Variants in TMEM132B observed in about 807,000 individuals in gnomAD.
TMEM132B encodes the protein transmembrane protein 132B.
A neutral mutation model predicts 90.8 loss-of-function variants in TMEM132B; 18 were observed. That is an observed-to-expected ratio of 0.20 (90% CI 0.14 to 0.29). The LOEUF (loss-of-function observed/expected upper bound fraction) is 0.29. Ranked by LOEUF, TMEM132B falls within the 10% of genes least tolerant of loss-of-function variation. The pLI, the probability that TMEM132B is intolerant of heterozygous loss-of-function variation, is 1.00. For synonymous variants in TMEM132B, 504 were observed against 523.3 expected, an observed-to-expected ratio of 0.96 and a Z score of 0.50; for missense variants, 1,096 against 1,326.8, an observed-to-expected ratio of 0.83 and a Z score of 2.70.
At chr12:125,604,159 C>G (rs1351331270) in intron 5 of TMEM132B, among the ~76,000 whole-genome samples, 1 of 152,102 alleles carries the variant, frequency 6.6e-6, no homozygotes, top group Admixed American at 6.6e-5. Context: ...ATGTTTATTG[C>G]AGCACTATTT....
chr12:125,221,944 G>A (rs572852850), intron 1 of TMEM132B, among the ~76,000 whole-genome samples: 1 of 152,206 alleles, frequency 6.6e-6, no homozygotes, highest in Non-Finnish European at 1.5e-5. Context: ...GTAAGATGAC[G>A]CCTGCTCATG....
intron 3 of TMEM132B, among the ~76,000 whole-genome samples, chr12:125,470,175 C>G (rs1320362298): frequency 6.6e-6 from 1 of 152,180 alleles, no homozygotes; most frequent in Non-Finnish European, 1.5e-5. Flanking sequence ...AGAGCTTGTC[C>G]TTTGCTGGGA....
At chr12:125,394,363 C>A (rs57653349) in intron 2 of TMEM132B, among the ~76,000 whole-genome samples, 1 of 152,092 alleles carries the variant, frequency 6.6e-6, no homozygotes, top group Non-Finnish European at 1.5e-5. Flanking sequence ...AGGTGGGCAG[C>A]GACAGCTTGG....
chr12:125,262,575 C>T (rs1874592710), intron 1 of TMEM132B, among the ~76,000 whole-genome samples: 1 of 152,150 alleles, frequency 6.6e-6, no homozygotes, highest in South Asian at 2.1e-4. Context: ...GTCACCACCA[C>T]CCCCTCTTGT....
intron 1 of TMEM132B, among the ~76,000 whole-genome samples, chr12:125,314,680 A>G (rs1033645711): frequency 6.6e-6 from 1 of 152,184 alleles, no homozygotes; most frequent in Non-Finnish European, 1.5e-5. Context: ...TTCCAGCTCA[A>G]ATGAGTGAAG....
At chr12:125,483,044 A>G (rs530232875) in intron 3 of TMEM132B, among the ~76,000 whole-genome samples, 2 of 144,176 alleles carry the variant, frequency 1.4e-5, no homozygotes, top group African/African-American at 2.5e-5. Context: ...GAATTGAACA[A>G]TGAGAACACT....
chr12:125,201,843 CG>C (rs1419895155), intron 1 of TMEM132B, among the ~76,000 whole-genome samples: 1 of 152,188 alleles, frequency 6.6e-6, no homozygotes, highest in African/African-American at 2.4e-5. Context: ...CTTTGCCAGT[CG>C]GTGAGTTCAG....
At chr12:125,237,996 T>A (rs1293660967) in intron 1 of TMEM132B, among the ~76,000 whole-genome samples, 1 of 152,204 alleles carries the variant, frequency 6.6e-6, no homozygotes, top group Non-Finnish European at 1.5e-5. Context: ...TTAGTGTATG[T>A]CACCAGAGAA....
At chr12:125,247,224 G>T (rs1215407601) in intron 1 of TMEM132B, among the ~76,000 whole-genome samples, 2 of 152,136 alleles carry the variant, frequency 1.3e-5, no homozygotes, top group African/African-American at 4.8e-5. Flanking sequence ...AATCCTAAAA[G>T]GCTTCTTACT....
chr12:125,640,473 G>A (rs1886600932), intron 5 of TMEM132B, among the ~76,000 whole-genome samples: 1 of 152,198 alleles, frequency 6.6e-6, no homozygotes, highest in African/African-American at 2.4e-5. Flanking sequence ...CAGGGGAGCA[G>A]TGAAGACACA....
At chr12:125,235,988 A>C (rs928718591) in intron 1 of TMEM132B, among the ~76,000 whole-genome samples, 2 of 151,404 alleles carry the variant, frequency 1.3e-5, no homozygotes, top group African/African-American at 4.9e-5. Flanking sequence ...TTTTTAGTAG[A>C]GACAGGATTT....
At chr12:125,531,882 T>G (rs1403719928) in intron 4 of TMEM132B, among the ~76,000 whole-genome samples, 1 of 152,248 alleles carries the variant, frequency 6.6e-6, no homozygotes, top group Non-Finnish European at 1.5e-5. Context: ...CCGTAGCACT[T>G]GGTGCAGAGT....
At chr12:125,217,015 G>A (rs941525514) in intron 1 of TMEM132B, among the ~76,000 whole-genome samples, 1 of 152,234 alleles carries the variant, frequency 6.6e-6, no homozygotes, top group African/African-American at 2.4e-5. Context: ...GCACTGGCTT[G>A]TAATTAAAAC....
At chr12:125,296,908 A>C (rs560707823) in intron 1 of TMEM132B, among the ~76,000 whole-genome samples, 10 of 152,330 alleles carry the variant, frequency 6.6e-5, no homozygotes, top group Non-Finnish European at 1.5e-4. Flanking sequence ...GTAATCTCTT[A>C]ACCGTGCACA....
intron 3 of TMEM132B, among the ~76,000 whole-genome samples, chr12:125,517,912 A>C (rs1883208825): frequency 6.6e-6 from 1 of 152,196 alleles, no homozygotes; most frequent in Admixed American, 6.5e-5. Flanking sequence ...ATTTGAAATT[A>C]GGATAGTGTG....
chr12:125,571,713 A>G (rs1189220192), intron 4 of TMEM132B, among the ~76,000 whole-genome samples: 1 of 152,196 alleles, frequency 6.6e-6, no homozygotes, highest in Non-Finnish European at 1.5e-5. Context: ...CAACACAAAG[A>G]CACATTGTTG....
intron 4 of TMEM132B, among the ~76,000 whole-genome samples, chr12:125,575,333 G>A (rs898648765): frequency 1.3e-5 from 2 of 151,452 alleles, no homozygotes; most frequent in African/African-American, 4.8e-5. Flanking sequence ...CTTTTCATGT[G>A]TTTATTGGCC....
chr12:125,462,545 G>T (rs1380099234), intron 3 of TMEM132B, among the ~76,000 whole-genome samples: 2 of 152,094 alleles, frequency 1.3e-5, no homozygotes, highest in Admixed American at 6.6e-5. Flanking sequence ...GTATAGCCTG[G>T]CAAGTCAAAG....
rs1251859957 is a variant in TMEM132B, at chr12:125,490,932, G to A, written c.1107-28507G>A. The stretch of plus-strand genomic sequence containing the variant: ...TCTGGAGGAAGTTAGCTACCATGGT[G>A]TAAGGACACTCAAGCAGCTTTATGG... On this transcript the variant is annotated intron_variant, in intron 3 of 8. Transcript: ENST00000682704. This position sits in a 1 kb window ranked among gnomAD's most constrained non-coding sequence, Gnocchi z 4.2. Among the ~76,000 whole-genome samples, 1 of 152,192 alleles carries A rather than the reference G, an allele frequency of 6.6e-6. No homozygotes were observed. The highest frequency in any genetic ancestry group is 2.4e-5 in the African/African-American group (1 of 41,448).
Sources: gnomAD v4.1 joint callset for allele counts (sites outside exome capture counted in the v4.1 genomes callset) on GRCh38, gnomAD v4.1.1 for gene constraint, Gnocchi (gnomAD v3.1) non-coding constraint, MANE v1.5 for transcripts, NCBI Gene and HGNC (gene_info 2026-07-23, HGNC 2026-07-21) for gene names.